ERGIC1: variants seen among roughly 807,000 people sequenced by gnomAD.
ERGIC1 encodes the protein endoplasmic reticulum-Golgi intermediate compartment protein 1.
In ERGIC1, 19 loss-of-function variants were observed where a neutral mutation model predicts 38.3. The ratio of observed to expected loss-of-function variants is 0.50; its 90% CI spans 0.35 to 0.73. The LOEUF is 0.73. ERGIC1 is among the 30% of genes least tolerant of loss of function. The pLI is 0.01. For synonymous variants in ERGIC1, 124 were observed against 157.6 expected (o/e 0.79, Z 1.60); for missense variants, 294 against 389.2 (o/e 0.76, Z 2.06).
chr5:172,930,594 C>T (rs567360086), intron 7 of ERGIC1, among the ~76,000 whole-genome samples: 6 of 152,248 alleles, frequency 3.9e-5, no homozygotes, highest in South Asian at 4.1e-4. Context: ...CCTCCCACCT[C>T]GGCCTCCCTA....
chr5:172,949,665 T>G (rs570143), intron 9 of ERGIC1, among the ~76,000 whole-genome samples: 90,601 of 145,770 alleles, frequency 0.62, 29,259 homozygotes, highest in East Asian at 0.82. Flanking sequence ...CGGGGGGGGG[T>G]ATGATTGGCA....
intron 9 of ERGIC1, among the ~76,000 whole-genome samples, chr5:172,941,503 C>T (rs1044375909): frequency 6.6e-6 from 1 of 152,130 alleles, no homozygotes; most frequent in African/African-American, 2.4e-5. Flanking sequence ...TCGGACCTGA[C>T]CCCAGTGCCT....
In ERGIC1 at chr5:172,913,992, T is replaced by C. The variant is rs545468734; in HGVS notation, c.251-722T>C. On this transcript the variant is annotated intron_variant, in intron 4 of 9. Transcript: ENST00000393784. ...GCCTACACTTGTAATCCCAGCACTT[T>C]GGGAGGCTGAGGCAGGTGGATCACC... Among the ~76,000 whole-genome samples, 12 of 152,200 alleles carry C rather than the reference T, an allele frequency of 7.9e-5. 1 individual carries two copies. In the East Asian group the frequency reaches 2.1e-3, roughly 27 times the overall value.
chr5:172,855,861 AG>A, intron 1 of ERGIC1, among the ~76,000 whole-genome samples: 1 of 152,298 alleles, frequency 6.6e-6, no homozygotes, highest in South Asian at 2.1e-4. Flanking sequence ...TGTGCTTCAG[AG>A]GCTGGCCTGG....
chr5:172,846,694 T>C lies in ERGIC1; in HGVS notation c.20+12261T>C, dbSNP rs1389595604. 6.6e-6 allele frequency among the ~76,000 whole-genome samples: 1 copy of C among 152,150 alleles called. No homozygotes were observed. Among genetic ancestry groups the C allele is most frequent in the Non-Finnish European group, 1.5e-5 (1 of 68,032 alleles). The stretch of plus-strand genomic sequence containing the variant: ...GAAGGTTTCTCCTGGCGCAGGAAAG[T>C]GTTTTAAGAGGTGAGCATGAGACTT... On this transcript the variant is annotated intron_variant, in intron 1 of 9. Transcript: ENST00000393784. This position sits in a 1 kb window ranked among gnomAD's most constrained non-coding sequence, Gnocchi z 4.0.
At chr5:172,893,888 T>TAG (rs1197974437) in intron 2 of ERGIC1, among the ~76,000 whole-genome samples, 4 of 18,596 alleles carry the variant, frequency 2.2e-4, no homozygotes, top group African/African-American at 4.9e-4. Context: ...TATATATATA[T>TAG]ATATATATAT....
At chr5:172,852,938 C>T (rs867300120) in intron 1 of ERGIC1, among the ~76,000 whole-genome samples, 15 of 152,336 alleles carry the variant, frequency 9.8e-5, no homozygotes, top group African/African-American at 3.6e-4. Flanking sequence ...TCACAGCTGT[C>T]CTTTTGGAAT....
intron 1 of ERGIC1, among the ~76,000 whole-genome samples, chr5:172,856,126 A>G (rs1761542565): frequency 6.6e-6 from 1 of 152,176 alleles, no homozygotes; most frequent in Non-Finnish European, 1.5e-5. Context: ...AGAGGAAGAC[A>G]TGCGCCTTGT....
chr5:172,835,803 G>A (rs747005480), intron 1 of ERGIC1, among the ~76,000 whole-genome samples: 5 of 152,180 alleles, frequency 3.3e-5, no homozygotes, highest in Non-Finnish European at 5.9e-5. Context: ...AATGTTTGCC[G>A]GCTTCTTGCC....
At chr5:172,865,847 AT>A (rs1761847546) in intron 1 of ERGIC1, among the ~76,000 whole-genome samples, 1 of 151,960 alleles carries the variant, frequency 6.6e-6, no homozygotes, top group Non-Finnish European at 1.5e-5. Context: ...CTTATTTTTT[AT>A]TTCATAGACT....
intron 1 of ERGIC1, among the ~76,000 whole-genome samples, chr5:172,852,784 G>A (rs1239710366): frequency 1.3e-5 from 2 of 152,234 alleles, no homozygotes; most frequent in African/African-American, 4.8e-5. Context: ...GTGAGATAAC[G>A]TGTACATCAC....
chr5:172,899,298 T>C (rs964479369), intron 3 of ERGIC1, among the ~76,000 whole-genome samples: 2 of 147,450 alleles, frequency 1.4e-5, no homozygotes, highest in Admixed American at 1.4e-4. Flanking sequence ...CCAGGTAGAA[T>C]TGGGAGTTAC....
intron 3 of ERGIC1, among the ~76,000 whole-genome samples, chr5:172,904,448 G>A (rs1762967486): frequency 6.6e-6 from 1 of 152,142 alleles, no homozygotes; most frequent in Non-Finnish European, 1.5e-5. Flanking sequence ...GAAGCAGTGT[G>A]TCCTAGGTCT....
rs145701034 is a variant in ERGIC1 at position 172,852,544 on chromosome 5, T to C, written c.20+18111T>C. ...TCCAGAGCCCCTCATAGGCCGTCAGTGACATGAGAGCAGAGACCGGCTCAG... is the reference window on the plus strand; with the variant it reads ...TCCAGAGCCCCTCATAGGCCGTCAGCGACATGAGAGCAGAGACCGGCTCAG... On this transcript the variant is annotated intron_variant, in intron 1 of 9. Transcript: ENST00000393784. Among the ~76,000 whole-genome samples, 476 of 152,270 alleles carry C rather than the reference T, an allele frequency of 3.1e-3. 2 individuals carry two copies. The highest frequency in any genetic ancestry group is 0.011 in the African/African-American group (456 of 41,546).
chr5:172,920,322 C>G (rs1763478386), intron 5 of ERGIC1: 1 of 717,622 alleles, frequency 1.4e-6, no homozygotes, highest in Admixed American at 2.0e-5. Flanking sequence ...CTCCCAGCAT[C>G]AGGCTGAGAC....
chr5:172,873,775 G>A (rs1389837654), intron 1 of ERGIC1, among the ~76,000 whole-genome samples: 1 of 152,238 alleles, frequency 6.6e-6, no homozygotes, highest in Non-Finnish European at 1.5e-5. Context: ...CTCAGGAGTA[G>A]TAGGGAAGAT....
At chr5:172,866,620 A>G (rs1424144660) in intron 1 of ERGIC1, among the ~76,000 whole-genome samples, 1 of 152,222 alleles carries the variant, frequency 6.6e-6, no homozygotes, top group Admixed American at 6.5e-5. Flanking sequence ...AAGCCAGCGA[A>G]GTGAGCACTA....
At chr5:172,868,650 C>T (rs1045513066) in intron 1 of ERGIC1, among the ~76,000 whole-genome samples, 10 of 152,060 alleles carry the variant, frequency 6.6e-5, no homozygotes, top group Non-Finnish European at 1.2e-4. Flanking sequence ...TTGTCTAAAC[C>T]GAAGGAATGT....
intron 1 of ERGIC1, among the ~76,000 whole-genome samples, chr5:172,848,966 C>A (rs928706836): frequency 4.6e-5 from 7 of 152,178 alleles, no homozygotes. Context: ...GGGAGGCCAC[C>A]ACGTGCCAGC....
Sources: allele counts gnomAD v4.1 joint callset (sites outside exome capture counted in the v4.1 genomes callset), GRCh38; gene constraint gnomAD v4.1.1; non-coding constraint Gnocchi (gnomAD v3.1); transcripts MANE v1.5; gene names NCBI Gene and HGNC (gene_info 2026-07-23, HGNC 2026-07-21).